The following SRPK2 variants were observed in gnomAD, a reference collection of about 807,000 sequenced individuals.
The protein encoded by SRPK2 is SFRS protein kinase 2.
A neutral mutation model predicts 90.8 loss-of-function variants in SRPK2; 21 were observed. That is an observed-to-expected ratio of 0.23 (90% confidence interval 0.16 to 0.33). The LOEUF (loss-of-function observed/expected upper bound fraction) is 0.33. SRPK2 is among the 10% of genes least tolerant of loss of function. The pLI, the probability that SRPK2 is intolerant of heterozygous loss-of-function variation, is 1.00. For synonymous variants in SRPK2, 288 were observed against 311.1 expected, an observed-to-expected ratio of 0.93 and a Z score of 0.78; for missense variants, 620 against 869.0, an observed-to-expected ratio of 0.71 and a Z score of 3.60.
At chr7:105,178,647 C>G (rs1459855299) in intron 3 of SRPK2, among the ~76,000 whole-genome samples, 1 of 151,616 alleles carries the variant, frequency 6.6e-6, no homozygotes, top group South Asian at 2.1e-4. Context: ...AGTGAGAGTC[C>G]CCCATCATTC....
At chr7:105,188,885 C>T (rs1346616617) in intron 3 of SRPK2, among the ~76,000 whole-genome samples, 1 of 152,102 alleles carries the variant, frequency 6.6e-6, no homozygotes, top group Admixed American at 6.5e-5. Flanking sequence ...GGTGGATAGC[C>T]CCAACTAACA....
chr7:105,120,276 T>C (rs1800150969), intron 15 of SRPK2, among the ~76,000 whole-genome samples: 1 of 152,216 alleles, frequency 6.6e-6, no homozygotes, highest in South Asian at 2.1e-4. Flanking sequence ...AGAAGCACTG[T>C]GTGCTGAGAA....
At chr7:105,250,555 ACTC>A (rs1802349379) in intron 2 of SRPK2, among the ~76,000 whole-genome samples, 1 of 152,112 alleles carries the variant, frequency 6.6e-6, no homozygotes, top group Non-Finnish European at 1.5e-5. Flanking sequence ...TAGGCCACTG[ACTC>A]CTAATAGGGA....
intron 2 of SRPK2, among the ~76,000 whole-genome samples, chr7:105,262,126 C>T (rs965443285): frequency 1.3e-5 from 2 of 152,106 alleles, no homozygotes; most frequent in Non-Finnish European, 2.9e-5. Flanking sequence ...ATGTAAGCAA[C>T]CCTCCAGAGA....
intron 2 of SRPK2, among the ~76,000 whole-genome samples, chr7:105,261,457 C>T (rs887880402): frequency 2.6e-5 from 4 of 151,592 alleles, no homozygotes; most frequent in Non-Finnish European, 5.9e-5. Flanking sequence ...GGAGGCGGAG[C>T]TTGCAGTGAG....
chr7:105,169,036 G>T (rs1213395206), intron 4 of SRPK2, 121 bp downstream of exon 4: 3 of 677,476 alleles, frequency 4.4e-6, no homozygotes, highest in African/African-American at 3.7e-5. Flanking sequence ...GCTGAGGCAG[G>T]CCTGTGCTAA....
At chr7:105,244,711 C>A in intron 2 of SRPK2, 1 of 1,151,768 alleles carries the variant, frequency 8.7e-7, no homozygotes, top group Non-Finnish European at 1.3e-6. Context: ...TGACCAAGAA[C>A]GTGAGCGAGC....
At chr7:105,203,843 G>A in intron 2 of SRPK2, 58 bp from the exon 3 acceptor site, 1 of 1,538,140 alleles carries the variant, frequency 6.5e-7, no homozygotes, top group Non-Finnish European at 8.8e-7. Context: ...CATTATGGAT[G>A]CATTTGAGCA....
chr7:105,304,529 T>C (rs922210389), intron 2 of SRPK2: 11 of 152,224 alleles, frequency 7.2e-5, no homozygotes, highest in Admixed American at 6.5e-4. Flanking sequence ...CCACAGAAAG[T>C]GCACAGCAGT....
intron 3 of SRPK2, among the ~76,000 whole-genome samples, chr7:105,178,957 A>AAAAATTATG (rs1792373024): frequency 6.6e-6 from 1 of 152,212 alleles, no homozygotes; most frequent in African/African-American, 2.4e-5. Context: ...TAATACTATC[A>AAAAATTATG]AAAATTATGC....
chr7:105,363,126 T>C (rs936121558), intron 2 of SRPK2, among the ~76,000 whole-genome samples: 1 of 152,130 alleles, frequency 6.6e-6, no homozygotes, highest in Non-Finnish European at 1.5e-5. Context: ...ACATGGCACA[T>C]GTATACATAT....
chr7:105,147,055 C>T (rs1804738148), intron 7 of SRPK2, among the ~76,000 whole-genome samples: 1 of 152,202 alleles, frequency 6.6e-6, no homozygotes, highest in Non-Finnish European at 1.5e-5. Context: ...TCATCTACTT[C>T]ATATGATCTA....
intron 2 of SRPK2, among the ~76,000 whole-genome samples, chr7:105,376,302 T>C (rs1050810968): frequency 6.6e-6 from 1 of 151,130 alleles, no homozygotes; most frequent in Non-Finnish European, 1.5e-5. Context: ...CGGCCAAAAA[T>C]TCATTTCTTA....
At chr7:105,289,950 G>A (rs918995810) in intron 2 of SRPK2, among the ~76,000 whole-genome samples, 4 of 151,812 alleles carry the variant, frequency 2.6e-5, no homozygotes, top group Non-Finnish European at 5.9e-5. Context: ...CTGTTGTGTC[G>A]CAGGAAGTAG....
intron 15 of SRPK2, among the ~76,000 whole-genome samples, chr7:105,124,598 G>A (rs956896550): frequency 1.0e-4 from 13 of 124,792 alleles, no homozygotes; most frequent in Non-Finnish European, 1.9e-4. Context: ...CCAAGATTGC[G>A]CCACTGCACT....
chr7:105,314,113 T>C (rs1812042687), intron 2 of SRPK2, among the ~76,000 whole-genome samples: 1 of 151,950 alleles, frequency 6.6e-6, no homozygotes, highest in African/African-American at 2.4e-5. Context: ...GGCCGGTAAT[T>C]TGAGGCCAGG....
chr7:105,126,894 A>G, intron 14 of SRPK2, 99 bp downstream of exon 14: 2 of 1,223,168 alleles, frequency 1.6e-6, no homozygotes, highest in South Asian at 2.7e-5. Flanking sequence ...TGAAAACCAA[A>G]CACATGGCTC....
At chr7:105,343,049 A>G (rs923279175) in intron 2 of SRPK2, among the ~76,000 whole-genome samples, 8 of 152,224 alleles carry the variant, frequency 5.3e-5, no homozygotes, top group Non-Finnish European at 7.3e-5. Context: ...AAGTTTGCAG[A>G]TAAGTGGTAA....
At chr7:105,325,195 C>T (rs1199225099) in intron 2 of SRPK2, among the ~76,000 whole-genome samples, 2 of 152,134 alleles carry the variant, frequency 1.3e-5, no homozygotes, top group African/African-American at 4.8e-5. Flanking sequence ...AAGCATTTTA[C>T]CTCACCACTA....
Sources: allele counts gnomAD v4.1 joint callset (sites outside exome capture counted in the v4.1 genomes callset), GRCh38; gene constraint gnomAD v4.1.1; transcripts MANE v1.5; gene names NCBI Gene and HGNC (gene_info 2026-07-23, HGNC 2026-07-21).